PLPPR1: variants seen among roughly 807,000 people sequenced by gnomAD.
The protein encoded by PLPPR1 is phospholipid phosphatase-related protein type 1.
In PLPPR1, 10 loss-of-function variants were observed where a neutral mutation model predicts 33.1. The observed-to-expected ratio is 0.30, with a 90% CI of 0.19 to 0.51. The LOEUF is 0.51. Ranked by LOEUF, PLPPR1 falls within the 20% of genes least tolerant of loss-of-function variation. The pLI, the probability that PLPPR1 is intolerant of heterozygous loss-of-function variation, is 0.97. For missense variants in PLPPR1, 304 were observed against 408.1 expected, an observed-to-expected ratio of 0.74 and a Z score of 2.20; for synonymous variants, 151 against 151.0, an observed-to-expected ratio of 1.00 and a Z score of 0.00.
At chr9:101,123,732 C>G (rs1831205757) in intron 1 of PLPPR1, among the ~76,000 whole-genome samples, 1 of 152,106 alleles carries the variant, frequency 6.6e-6, no homozygotes, top group Non-Finnish European at 1.5e-5. Context: ...TCTTTTAACT[C>G]AAAATACAAT....
rs564681320 is a variant in PLPPR1, at chr9:101,121,805, C to A, written c.-45-63645C>A. Among the ~76,000 whole-genome samples the A allele has an allele frequency of 1.1e-4, 17 of 152,258 alleles. No individual in the cohort carries two copies. The South Asian group carries it at 3.3e-3, about 30-fold the overall frequency. On this transcript the variant is annotated intron_variant, in intron 1 of 7. Transcript: ENST00000374874. The stretch of plus-strand genomic sequence containing the variant: ...GTCAAGTAAGACTAGTGAATTCTTC[C>A]AGAAGGTAGCAGCTTTTTCCCTTGC...
chr9:101,194,967 G>A (rs1364600071), intron 2 of PLPPR1, among the ~76,000 whole-genome samples: 2 of 152,234 alleles, frequency 1.3e-5, no homozygotes, highest in East Asian at 3.9e-4. Context: ...CGATAGTTTT[G>A]CCATAATAAC....
intron 2 of PLPPR1, among the ~76,000 whole-genome samples, chr9:101,213,004 T>A (rs1344412784): frequency 6.6e-6 from 1 of 152,330 alleles, no homozygotes; most frequent in Admixed American, 6.5e-5. Flanking sequence ...CTTGTTTTAG[T>A]CCTTGTAACA....
chr9:101,309,120 A>C, intron 4 of PLPPR1, 91 bp from the exon 5 acceptor site: 1 of 1,326,020 alleles, frequency 7.5e-7, no homozygotes, highest in Non-Finnish European at 1.1e-6. Flanking sequence ...TTGATAGGTC[A>C]TCATGGACTC....
intron 2 of PLPPR1, among the ~76,000 whole-genome samples, chr9:101,230,214 T>C (rs974070470): frequency 6.6e-6 from 1 of 152,162 alleles, no homozygotes; most frequent in African/African-American, 2.4e-5. Context: ...CTGAGATGTA[T>C]TGTTTAAACA....
chr9:101,144,829 G>A (rs954679243), intron 1 of PLPPR1, among the ~76,000 whole-genome samples: 1 of 152,162 alleles, frequency 6.6e-6, no homozygotes, highest in African/African-American at 2.4e-5. Context: ...ACTGGTCTAT[G>A]TCCAATTTCA....
At chr9:101,155,957 GA>G (rs1278348013) in intron 1 of PLPPR1, among the ~76,000 whole-genome samples, 2 of 152,114 alleles carry the variant, frequency 1.3e-5, no homozygotes, top group Non-Finnish European at 2.9e-5. Flanking sequence ...GAGCAAATAT[GA>G]ATATAATATA....
intron 1 of PLPPR1, among the ~76,000 whole-genome samples, chr9:101,139,728 G>C (rs1414350376): frequency 2.0e-5 from 3 of 152,162 alleles, no homozygotes; most frequent in Admixed American, 6.5e-5. Flanking sequence ...ATTGGCCAAT[G>C]GAGTGACTAT....
chr9:101,194,645 G>A (rs1826361471), intron 2 of PLPPR1, among the ~76,000 whole-genome samples: 1 of 151,944 alleles, frequency 6.6e-6, no homozygotes, highest in South Asian at 2.1e-4. Flanking sequence ...CAGCTACTTG[G>A]GAGGCTGAGG....
intron 1 of PLPPR1, among the ~76,000 whole-genome samples, chr9:101,163,540 C>T (rs1825801144): frequency 6.6e-6 from 1 of 152,136 alleles, no homozygotes; most frequent in Non-Finnish European, 1.5e-5. Flanking sequence ...AAGTTACATA[C>T]ATGTGCTCAG....
intron 1 of PLPPR1, among the ~76,000 whole-genome samples, chr9:101,118,153 G>A (rs961806877): frequency 1.3e-5 from 2 of 152,224 alleles, no homozygotes; most frequent in Non-Finnish European, 2.9e-5. Context: ...GACAGAGATG[G>A]GGAGGAAGCT....
intron 1 of PLPPR1, among the ~76,000 whole-genome samples, chr9:101,056,067 C>T (rs933434053): frequency 7.2e-5 from 11 of 152,126 alleles, no homozygotes; most frequent in East Asian, 3.9e-4. Context: ...AAGTGCTTTA[C>T]GGGCATTATT....
intron 2 of PLPPR1, among the ~76,000 whole-genome samples, chr9:101,212,297 G>C (rs1588074473): frequency 6.6e-6 from 1 of 152,050 alleles, no homozygotes; most frequent in Non-Finnish European, 1.5e-5. Flanking sequence ...TGGCCAGGCT[G>C]TTCTCAAACT....
At chr9:101,055,198 A>C (rs1183697456) in intron 1 of PLPPR1, among the ~76,000 whole-genome samples, 2 of 152,230 alleles carry the variant, frequency 1.3e-5, no homozygotes, top group African/African-American at 4.8e-5. Flanking sequence ...CAGGAGGATC[A>C]TCTGTAACAT....
At chr9:101,269,148 T>A (rs1297891216) in intron 2 of PLPPR1, among the ~76,000 whole-genome samples, 1 of 152,128 alleles carries the variant, frequency 6.6e-6, no homozygotes, top group Non-Finnish European at 1.5e-5. Flanking sequence ...TAAACTTCGG[T>A]GAGTATCTAG....
intron 2 of PLPPR1, among the ~76,000 whole-genome samples, chr9:101,189,184 A>C (rs1826254176): frequency 6.6e-6 from 1 of 152,144 alleles, no homozygotes; most frequent in Non-Finnish European, 1.5e-5. Context: ...GACATCAATC[A>C]AATACATTTA....
chr9:101,261,710 G>A (rs1169631493), intron 2 of PLPPR1, among the ~76,000 whole-genome samples: 3 of 152,134 alleles, frequency 2.0e-5, no homozygotes, highest in African/African-American at 7.2e-5. Context: ...CATGGATAGA[G>A]CTGGAGGCCA....
intron 2 of PLPPR1, among the ~76,000 whole-genome samples, chr9:101,233,940 A>G (rs1472825556): frequency 2.0e-5 from 3 of 151,988 alleles, no homozygotes; most frequent in African/African-American, 7.2e-5. Flanking sequence ...AAGTCAGCTA[A>G]GGCTACTTGA....
intron 1 of PLPPR1, among the ~76,000 whole-genome samples, chr9:101,112,783 G>T (rs1392177102): frequency 1.3e-5 from 2 of 152,156 alleles, no homozygotes; most frequent in Non-Finnish European, 2.9e-5. Context: ...GAGCAGGTGT[G>T]TTAAAACTTC....
Sources: allele counts gnomAD v4.1 joint callset (sites outside exome capture counted in the v4.1 genomes callset), GRCh38; gene constraint gnomAD v4.1.1; transcripts MANE v1.5; gene names NCBI Gene and HGNC (gene_info 2026-07-23, HGNC 2026-07-21).